The following KCNMA1 variants were observed in gnomAD, a reference collection of about 807,000 sequenced individuals.
KCNMA1 encodes the protein potassium calcium-activated channel subfamily M alpha 1.
Under a neutral mutation model 140.0 loss-of-function variants are expected in KCNMA1, and 29 were observed. The observed-to-expected ratio is 0.21, with a 90% CI of 0.15 to 0.28. KCNMA1 has a LOEUF of 0.28. Among genes scored for constraint, KCNMA1 ranks in the 10% least tolerant of loss-of-function variants. The probability of loss-of-function intolerance (pLI) is 1.00; values close to 1 mark genes in which losing one functional copy is unlikely to be tolerated. For synonymous variants in KCNMA1, 612 were observed against 611.9 expected (o/e 1.00, Z 0.00); for missense variants, 880 against 1,602.2 (o/e 0.55, Z 7.70).
intron 19 of KCNMA1, among the ~76,000 whole-genome samples, chr10:76,971,245 A>G (rs2075992693): frequency 6.6e-6 from 1 of 152,204 alleles, no homozygotes; most frequent in Non-Finnish European, 1.5e-5. Context: ...AAGAAGAGAA[A>G]TATTAGCAGT....
intron 14 of KCNMA1, among the ~76,000 whole-genome samples, chr10:77,056,298 T>C (rs1053841607): frequency 1.3e-5 from 2 of 152,066 alleles, no homozygotes; most frequent in Non-Finnish European, 2.9e-5. Flanking sequence ...GAAAATTGCT[T>C]GAACCCAGAA....
intron 1 of KCNMA1, among the ~76,000 whole-genome samples, chr10:77,407,676 A>T (rs2096516580): frequency 6.6e-6 from 1 of 152,192 alleles, no homozygotes; most frequent in African/African-American, 2.4e-5. Context: ...GCTGTGGCCC[A>T]TCAACCCTTG....
chr10:77,386,860 T>C (rs987847393), intron 2 of KCNMA1, among the ~76,000 whole-genome samples: 1 of 152,160 alleles, frequency 6.6e-6, no homozygotes, highest in East Asian at 1.9e-4. Context: ...GCCATTAAGA[T>C]GTGAGCATGA....
intron 2 of KCNMA1, among the ~76,000 whole-genome samples, chr10:77,341,059 A>G (rs997913844): frequency 1.3e-5 from 2 of 152,164 alleles, no homozygotes; most frequent in Non-Finnish European, 1.5e-5. Flanking sequence ...CAGGGGGTTA[A>G]GCACATGGGC....
intron 1 of KCNMA1, among the ~76,000 whole-genome samples, chr10:77,495,847 C>G (rs2041726324): frequency 6.6e-6 from 1 of 152,186 alleles, no homozygotes; most frequent in African/African-American, 2.4e-5. Flanking sequence ...CCTCCATTCC[C>G]TCAGAGGAAG....
chr10:77,094,061 C>T (rs907292264), intron 9 of KCNMA1, among the ~76,000 whole-genome samples: 2 of 152,182 alleles, frequency 1.3e-5, no homozygotes, highest in African/African-American at 4.8e-5. Flanking sequence ...GGAGATGATA[C>T]ATGGAAGGGC....
At chr10:77,633,779 C>G (rs1474421761) in intron 1 of KCNMA1, among the ~76,000 whole-genome samples, 2 of 152,196 alleles carry the variant, frequency 1.3e-5, no homozygotes, top group Non-Finnish European at 2.9e-5. Flanking sequence ...GGAAATAACT[C>G]TATGCCCAGC....
rs2036311144 is a variant in KCNMA1 at position 76,885,206 on chromosome 10, TATATATATAGTTATATA to T, written c.*2043_*2059del. ...ATACTAGGGGATACATATATATAGTTATATATATAGTTATATATATATAATTATATAGTTATATATAT... is the reference window on the plus strand; with the variant it reads ...ATACTAGGGGATACATATATATAGTTTATATAATTATATAGTTATATATAT... On this transcript the variant is annotated 3_prime_UTR_variant, in exon 28 of 28. Transcript: ENST00000286628. 1 of 642,208 alleles carries T rather than the reference TATATATATAGTTATATA, an allele frequency of 1.6e-6. No individual in the cohort carries two copies. The highest frequency in any genetic ancestry group is 2.0e-6 in the Non-Finnish European group (1 of 507,258). The allele number at this position is 642,208 out of a possible 1,614,324, so 39.8% of individuals were successfully genotyped here.
At chr10:76,976,904 A>C (rs11001955) in intron 19 of KCNMA1, among the ~76,000 whole-genome samples, 1 of 152,308 alleles carries the variant, frequency 6.6e-6, no homozygotes, top group East Asian at 1.9e-4. Context: ...GGAAATGCAC[A>C]ATTGAAAAGA....
intron 21 of KCNMA1, 119 bp from the exon 22 acceptor site, chr10:76,949,485 G>C (rs974124180): frequency 1.2e-6 from 1 of 832,414 alleles, no homozygotes; most frequent in African/African-American, 1.7e-5. Context: ...CTTACTATGT[G>C]CTATTATTTT....
chr10:76,905,527 T>C (rs2047481190), intron 25 of KCNMA1, among the ~76,000 whole-genome samples: 1 of 152,212 alleles, frequency 6.6e-6, no homozygotes, highest in South Asian at 2.1e-4. Context: ...TGCCTTCCTG[T>C]CTACCACATT....
chr10:77,436,010 T>A (rs7071575), intron 1 of KCNMA1, among the ~76,000 whole-genome samples: 1 of 152,146 alleles, frequency 6.6e-6, no homozygotes, highest in Non-Finnish European at 1.5e-5. Flanking sequence ...TCCACCACTT[T>A]GTGAAGTTCA....
chr10:77,581,315 C>CTTT (rs11392217), intron 1 of KCNMA1, among the ~76,000 whole-genome samples: 26 of 148,326 alleles, frequency 1.8e-4, no homozygotes, highest in Middle Eastern at 3.4e-3. Context: ...ATTCTCAACA[C>CTTT]TTTTTTTTTT....
chr10:77,411,520 T>A (rs2096618131), intron 1 of KCNMA1, among the ~76,000 whole-genome samples: 1 of 152,024 alleles, frequency 6.6e-6, no homozygotes, highest in Admixed American at 6.5e-5. Context: ...GAAGACACAG[T>A]GTGAATTTAA....
At chr10:77,046,848 C>G (rs773933413) in intron 14 of KCNMA1, among the ~76,000 whole-genome samples, 9 of 152,202 alleles carry the variant, frequency 5.9e-5, no homozygotes, top group Non-Finnish European at 1.3e-4. Flanking sequence ...GGTGCCAGCA[C>G]AGAGAATGCC....
chr10:77,032,734 C>A (rs1247760), intron 15 of KCNMA1, among the ~76,000 whole-genome samples: 1 of 149,870 alleles, frequency 6.7e-6, no homozygotes, highest in South Asian at 2.1e-4. Context: ...CCCAACCCCC[C>A]TTTTTTTTTT....
chr10:76,888,015 G>A (rs2038012534), intron 27 of KCNMA1: 1 of 174,534 alleles, frequency 5.7e-6, no homozygotes, highest in African/African-American at 2.4e-5. Flanking sequence ...CCACATGGAA[G>A]AATCTAAGAA....
chr10:77,083,775 T>C (rs983071190), intron 12 of KCNMA1, among the ~76,000 whole-genome samples: 3 of 143,132 alleles, frequency 2.1e-5, no homozygotes, highest in East Asian at 4.2e-4. Context: ...TTCAAGGTTA[T>C]AGTGAGCTAT....
chr10:77,139,437 C>T (rs569320245), intron 5 of KCNMA1, among the ~76,000 whole-genome samples: 27 of 152,304 alleles, frequency 1.8e-4, no homozygotes, highest in African/African-American at 6.3e-4. Context: ...CTGACAGAAA[C>T]ATTTTATATC....
Sources: gnomAD v4.1 joint callset for allele counts (sites outside exome capture counted in the v4.1 genomes callset) on GRCh38, gnomAD v4.1.1 for gene constraint, MANE v1.5 for transcripts, NCBI Gene and HGNC (gene_info 2026-07-23, HGNC 2026-07-21) for gene names.